The following ZNF475 variants were observed in gnomAD, a reference collection of about 807,000 sequenced individuals.
The protein encoded by ZNF475 is zinc finger protein 475.
the ZNF475 span, among the ~76,000 whole-genome samples, chr5:122,177,990 G>A: frequency 2.0e-5 from 3 of 152,060 alleles, no homozygotes; most frequent in African/African-American, 7.2e-5. Context: ...TGAGAACATG[G>A]GGTGTTTGGT....
At chr5:122,161,877 G>C in the ZNF475 span, among the ~76,000 whole-genome samples, 1 of 151,780 alleles carries the variant, frequency 6.6e-6, no homozygotes, top group Admixed American at 6.6e-5. Flanking sequence ...CAAGAATTTG[G>C]CAAGACATTT....
the ZNF475 span, among the ~76,000 whole-genome samples, chr5:122,181,169 T>C: frequency 1.3e-5 from 2 of 152,136 alleles, no homozygotes; most frequent in Non-Finnish European, 2.9e-5. Flanking sequence ...TCCATGTTAT[T>C]TATCTCTGAG....
the ZNF475 span, among the ~76,000 whole-genome samples, chr5:122,179,349 G>A: frequency 3.3e-5 from 5 of 152,240 alleles, no homozygotes; most frequent in Admixed American, 1.3e-4. Flanking sequence ...CCGTTTTCAC[G>A]ATATTGATTT....
At chr5:122,175,650 C>T in the ZNF475 span, among the ~76,000 whole-genome samples, 13 of 152,170 alleles carry the variant, frequency 8.5e-5, no homozygotes, top group Admixed American at 7.9e-4. Flanking sequence ...TGTATGTGAG[C>T]ACCACCAATT....
At chr5:122,160,287 A>G in the ZNF475 span, 8 of 1,289,508 alleles carry the variant, frequency 6.2e-6, no homozygotes, top group Non-Finnish European at 1.0e-6. Context: ...TCTCTTCTAC[A>G]TTGTTGGCTC....
the ZNF475 span, chr5:122,162,273 G>A: frequency 1.3e-5 from 2 of 152,190 alleles, no homozygotes; most frequent in African/African-American, 4.8e-5. Context: ...ACTCTTTTAT[G>A]GTTGGCCAAT....
chr5:122,182,550 C>T, the ZNF475 span: 1 of 1,535,168 alleles, frequency 6.5e-7, no homozygotes, highest in South Asian at 1.2e-5. Context: ...TGCCCACAGC[C>T]AGTTGGTTCC....
At chr5:122,176,930 G>C in the ZNF475 span, among the ~76,000 whole-genome samples, 1 of 152,316 alleles carries the variant, frequency 6.6e-6, no homozygotes. Context: ...GACAGAAGCT[G>C]AATTTCCCTA....
chr5:122,180,772 C>T, the ZNF475 span, among the ~76,000 whole-genome samples: 10 of 152,184 alleles, frequency 6.6e-5, no homozygotes, highest in Admixed American at 1.3e-4. Flanking sequence ...TTTATAACAA[C>T]CCACAAAGTA....
the ZNF475 span, among the ~76,000 whole-genome samples, chr5:122,160,477 A>T: frequency 6.6e-6 from 1 of 152,206 alleles, no homozygotes; most frequent in Non-Finnish European, 1.5e-5. Context: ...GTCTAATATA[A>T]TTATTTAAAA....
chr5:122,179,635 C>T, the ZNF475 span: 2 of 1,534,176 alleles, frequency 1.3e-6, 1 homozygote, highest in South Asian at 2.4e-5. Context: ...ATTCATGAGC[C>T]ACAATGTCTG....
chr5:122,160,808 C>T, the ZNF475 span, among the ~76,000 whole-genome samples: 1 of 152,190 alleles, frequency 6.6e-6, no homozygotes, highest in Non-Finnish European at 1.5e-5. Flanking sequence ...CCATCACTTG[C>T]TTCCAGTCCA....
the ZNF475 span, among the ~76,000 whole-genome samples, chr5:122,174,910 T>A: frequency 1.5e-4 from 23 of 152,320 alleles, no homozygotes; most frequent in East Asian, 3.7e-3. Flanking sequence ...TAAGAAACAT[T>A]TAAACATCTT....
chr5:122,177,757 T>A, the ZNF475 span, among the ~76,000 whole-genome samples: 10 of 152,302 alleles, frequency 6.6e-5, 1 homozygote, highest in Admixed American at 6.5e-5. Context: ...TCTTTTTTTT[T>A]AATTATACTT....
the ZNF475 span, among the ~76,000 whole-genome samples, chr5:122,169,633 A>G: frequency 6.6e-6 from 1 of 152,184 alleles, no homozygotes; most frequent in African/African-American, 2.4e-5. Context: ...TACTGACATC[A>G]TATTAGATAG....
the ZNF475 span, among the ~76,000 whole-genome samples, chr5:122,177,927 A>C: frequency 6.6e-6 from 1 of 151,592 alleles, no homozygotes. Flanking sequence ...CCAGTGTGTG[A>C]TGTTCTCCTC....
the ZNF475 span, among the ~76,000 whole-genome samples, chr5:122,165,550 A>C: frequency 2.2e-4 from 33 of 152,276 alleles, no homozygotes; most frequent in African/African-American, 7.9e-4. Context: ...TGAAGGTAGG[A>C]GTGCCTTTTT....
At chr5:122,160,382 T>C in the ZNF475 span, 34 of 705,290 alleles carry the variant, frequency 4.8e-5, no homozygotes, top group Admixed American at 8.0e-4. Flanking sequence ...TTACACATTT[T>C]AGAGCAACAG....
chr5:122,174,214 T>C, the ZNF475 span, among the ~76,000 whole-genome samples: 1 of 152,080 alleles, frequency 6.6e-6, no homozygotes, highest in Admixed American at 6.5e-5. Context: ...CCCCCACATA[T>C]CCACTTCTAT....
Sources: allele counts gnomAD v4.1 joint callset (sites outside exome capture counted in the v4.1 genomes callset), GRCh38; gene constraint gnomAD v4.1.1; transcripts MANE v1.5; gene names NCBI Gene and HGNC (gene_info 2026-07-23, HGNC 2026-07-21).